Variants in MYO15A observed in about 807,000 individuals in gnomAD.
MYO15A encodes myosin XVA.
MYO15A carries 308 observed loss-of-function variants against 394.6 expected under a neutral mutation model. That is an observed-to-expected ratio of 0.78 (90% CI 0.71 to 0.86). MYO15A has a LOEUF of 0.86. Ranked by LOEUF, MYO15A falls within the 40% of genes least tolerant of loss-of-function variation. The pLI is 0.00. For synonymous variants in MYO15A, 1,957 were observed against 2,003.8 expected (o/e 0.98, Z 0.62); for missense variants, 4,606 against 4,799.1 (o/e 0.96, Z 1.19).
intron 42 of MYO15A, among the ~76,000 whole-genome samples, chr17:18,152,674 T>C (rs1179922210): frequency 1.3e-5 from 2 of 152,130 alleles, no homozygotes; most frequent in African/African-American, 4.8e-5. Flanking sequence ...CCGTGGCCTA[T>C]GAGACGCGAC....
intron 1 of MYO15A, among the ~76,000 whole-genome samples, chr17:18,116,872 A>T (rs2045794426): frequency 6.6e-6 from 1 of 151,662 alleles, no homozygotes; most frequent in Non-Finnish European, 1.5e-5. Context: ...GTGAGCCGAG[A>T]TTGCACCACT....
Position 18,156,987 on chromosome 17 carries a change from C to T in MYO15A, c.8635C>T (p.Leu2879=). Reference sequence around the variant, plus strand: ...CTACGTGGTCGCTGTGAGGAACTTCCTGCCTGAGGACCCTGCGCTGCTGGC... The same window carrying T: ...CTACGTGGTCGCTGTGAGGAACTTCTTGCCTGAGGACCCTGCGCTGCTGGC... The part of the protein sequence containing the change: ...SDYVVAVRNF[L]PEDPALLAFH... Residue 2879 remains leucine, a synonymous_variant, in exon 49 of 66, where the codon CTG becomes TTG. Transcript: ENST00000647165. 1 of 1,614,208 alleles carries T rather than the reference C, an allele frequency of 6.2e-7. No individual in the cohort carries two copies. The highest frequency in any genetic ancestry group is 8.5e-7 in the Non-Finnish European group (1 of 1,180,034).
At position 18,166,338 on chromosome 17, in the gene MYO15A, C is replaced by T. The variant is rs201629879; in HGVS notation, c.9788-23C>T. On this transcript the variant is annotated intron_variant, in intron 60 of 65. Transcript: ENST00000647165. ...TGTGTGCACACATGCCCCCACCCAG[C>T]CCTGCCTCCCTGCTCTCTGCAGGCC... 864 of 1,609,418 alleles carry T rather than the reference C, an allele frequency of 5.4e-4. 2 individuals are homozygous for T. The highest frequency in any genetic ancestry group is 6.7e-4 in the Non-Finnish European group (788 of 1,179,994).
At chr17:18,111,260 G>A (rs1251438023) in intron 1 of MYO15A, among the ~76,000 whole-genome samples, 2 of 150,870 alleles carry the variant, frequency 1.3e-5, no homozygotes, top group Non-Finnish European at 3.0e-5. Context: ...GCTTGAGCCT[G>A]GGAGCTTGAG....
chr17:18,177,129 A>G (rs1023433833), intron 65 of MYO15A: 1 of 152,226 alleles, frequency 6.6e-6, no homozygotes, highest in African/African-American at 2.4e-5. Context: ...CAGGGGCTAC[A>G]TTCATTCACT....
rs955005639 is a variant in MYO15A at position 18,163,108 on chromosome 17, G to A, written c.9613-136G>A. 3.4e-5 allele frequency: 30 copies of A among 887,394 alleles called. No homozygotes were observed. In the East Asian group the frequency reaches 4.1e-4, roughly 12 times the overall value. The allele number at this position is 887,394 out of a possible 1,614,324, so 55.0% of individuals were successfully genotyped here. On this transcript the variant is annotated intron_variant, in intron 58 of 65. Transcript: ENST00000647165. ...TCAGGGGCTTGCAGACAGGCCCTGC[G>A]CGGTCCAGGTGCTCAAGTGTTCCTA...
chr17:18,174,400 G>A (rs2046984771), intron 65 of MYO15A, among the ~76,000 whole-genome samples: 1 of 152,176 alleles, frequency 6.6e-6, no homozygotes, highest in Non-Finnish European at 1.5e-5. Context: ...GGCAAGGCAA[G>A]AGGATCACTT....
intron 8 of MYO15A, 139 bp from the exon 9 acceptor site, chr17:18,131,100 G>A: frequency 1.3e-6 from 1 of 789,636 alleles, no homozygotes; most frequent in East Asian, 2.7e-5. Context: ...GATTCTCTAG[G>A]GAGCCCACCT....
In MYO15A at chr17:18,147,084, G is replaced by A. The variant is rs2046495232; in HGVS notation, c.6510-945G>A. 6.6e-6 allele frequency among the ~76,000 whole-genome samples: 1 copy of A among 152,206 alleles called. No homozygotes were observed. ...ATGATGTCACCCTGCTGGGTGAGAA[G>A]GATGATTTGCAAGGAAATCGCTCAG... On this transcript the variant is annotated intron_variant, in intron 30 of 65. Coordinates refer to ENST00000647165, the MANE Select transcript of MYO15A (RefSeq NM_016239.4). The surrounding 1 kb of genome is among the most constrained non-coding windows in gnomAD (Gnocchi z 4.4).
Position 18,166,406 on chromosome 17 carries a change from T to C in MYO15A, c.9833T>C (p.Val3278Ala), listed in dbSNP as rs2046854931. ...AGTCGCCGTGCTTACATCCTGGATG[T>C]GGCCTCAGAGATGGAGCAGGTGGAC... ...PLSRRAYILDVASEMEQVDGG... is the reference protein window; with the variant it reads ...PLSRRAYILDAASEMEQVDGG... The change falls in exon 61 of 66, where the codon GTG (valine) becomes GCG (alanine). Residue 3278 changes from valine to alanine, a missense_variant. Coordinates refer to ENST00000647165, the MANE Select transcript of MYO15A (RefSeq NM_016239.4). The C allele has an allele frequency of 6.2e-7, 1 of 1,613,924 alleles. No individual in the cohort carries two copies. The highest frequency in any genetic ancestry group is 1.3e-5 in the African/African-American group (1 of 74,948).
intron 56 of MYO15A, among the ~76,000 whole-genome samples, chr17:18,160,368 AG>A (rs2046757502): frequency 6.6e-6 from 1 of 152,232 alleles, no homozygotes; most frequent in Non-Finnish European, 1.5e-5. Flanking sequence ...AGCTGGATCC[AG>A]GTGTCATCAG....
In MYO15A at chr17:18,163,735, C is replaced by A; in HGVS notation, c.9691-7C>A. ...GCATGGCCTCATCTCTTCCGCCCCA[C>A]CCCCAGGTGGCCCTGGACGTGGTGG... On this transcript the variant is annotated splice_region_variant and splice_polypyrimidine_tract_variant and intron_variant, in intron 59 of 65. Coordinates refer to ENST00000647165, the MANE Select transcript of MYO15A (RefSeq NM_016239.4). The A allele has an allele frequency of 6.2e-7, 1 of 1,610,656 alleles. No individual in the cohort carries two copies. Among genetic ancestry groups the A allele is most frequent in the Non-Finnish European group, 8.5e-7 (1 of 1,178,190 alleles).
intron 48 of MYO15A, 42 bp from the exon 49 acceptor site, chr17:18,156,912 G>T: frequency 6.4e-7 from 1 of 1,565,848 alleles, no homozygotes; most frequent in Non-Finnish European, 8.8e-7. Context: ...TGGGAGTGGG[G>T]TGATAGGGCT....
At position 18,151,884 on chromosome 17, in the gene MYO15A, CTCA is replaced by C. The variant is rs1412396468; in HGVS notation, c.7828_7830del (p.His2610del). 10 of 1,578,466 alleles carry C rather than the reference CTCA, an allele frequency of 6.3e-6. No individual in the cohort carries two copies. The highest frequency in any genetic ancestry group is 8.6e-6 in the Non-Finnish European group (10 of 1,162,302). On this transcript the variant is annotated inframe_deletion, in exon 41 of 66. Coordinates refer to ENST00000647165, the MANE Select transcript of MYO15A (RefSeq NM_016239.4). ...AAAGTGTTCATGAAGCGGCCAGACC[CTCA>C]TGAGGAGGCCCTGATGATCCTGAAA...
intron 51 of MYO15A, 92 bp from the exon 52 acceptor site, chr17:18,158,431 C>A: frequency 1.8e-6 from 2 of 1,133,364 alleles, no homozygotes; most frequent in Non-Finnish European, 2.6e-6. Flanking sequence ...GAATCTGGGT[C>A]CAGTCAGCTA....
At chr17:18,168,120 C>G (rs749521416) in intron 62 of MYO15A, among the ~76,000 whole-genome samples, 1 of 152,136 alleles carries the variant, frequency 6.6e-6, no homozygotes, top group Non-Finnish European at 1.5e-5. Context: ...AACAGGGAGT[C>G]GTCAAGTAAA....
intron 60 of MYO15A, chr17:18,164,076 C>T (rs1451330051): frequency 1.8e-6 from 1 of 570,696 alleles, no homozygotes; most frequent in Non-Finnish European, 3.2e-6. Flanking sequence ...TCATCCCTCC[C>T]TTTGTCCCTC....
At position 18,119,170 on chromosome 17, in the gene MYO15A, G is replaced by A. The variant is rs576041753; in HGVS notation, c.370G>A (p.Ala124Thr). Residue 124 changes from alanine (A) to threonine (T), a missense_variant, in exon 2 of 66, where the codon GCC (alanine) becomes ACC (threonine). This residue lies in a region of MYO15A where 1,830 missense variants were observed against 1,689.7 expected (regional missense o/e 1.08). Coordinates refer to ENST00000647165, the MANE Select transcript of MYO15A (RefSeq NM_016239.4). ...TGGCTACGGCCGCCTGCGGCCGCGC[G>A]CCCGGTCACTCAGCAAAGCGTCCAC... Reference protein sequence around the residue: ...RRGYGRLRPRARSLSKASTAI... With the variant: ...RRGYGRLRPRTRSLSKASTAI... The A allele has an allele frequency of 4.6e-5, 74 of 1,612,226 alleles. No homozygotes were observed. The highest frequency in any genetic ancestry group is 1.2e-4 in the Admixed American group (7 of 59,996).
At chr17:18,136,795 A>G (rs1260094502) in intron 15 of MYO15A, 109 bp downstream of exon 15, 2 of 1,450,406 alleles carry the variant, frequency 1.4e-6, no homozygotes, top group Non-Finnish European at 1.9e-6. Flanking sequence ...AGCAGGTGCC[A>G]TCCTCCCTTC....
Sources: gnomAD v4.1 joint callset for allele counts (sites outside exome capture counted in the v4.1 genomes callset) on GRCh38, gnomAD v4.1.1 for gene constraint, gnomAD v4.1.1 regional missense constraint, Gnocchi (gnomAD v3.1) non-coding constraint, MANE v1.5 for transcripts, NCBI Gene and HGNC (gene_info 2026-07-23, HGNC 2026-07-21) for gene names.